Variants in VAMP8 observed in about 807,000 individuals in gnomAD.
The protein encoded by VAMP8 is vesicle-associated membrane protein 8.
A neutral mutation model predicts 11.4 loss-of-function variants in VAMP8; 9 were observed. The observed-to-expected ratio is 0.79, with a 90% CI of 0.48 to 1.38. The LOEUF (loss-of-function observed/expected upper bound fraction) is 1.38, where lower values mean the gene tolerates loss of function less well. Among genes scored for constraint, VAMP8 ranks in the 40% most tolerant of loss-of-function variants. The probability of loss-of-function intolerance (pLI) is 0.00; values close to 1 mark genes in which losing one functional copy is unlikely to be tolerated. For synonymous variants in VAMP8, 42 were observed against 44.7 expected (o/e 0.94, Z 0.24); for missense variants, 108 against 127.8 (o/e 0.85, Z 0.75).
chr2:85,578,972 C>A (rs1162673663), intron 1 of VAMP8, 37 bp from the exon 2 acceptor site: 1 of 1,581,396 alleles, frequency 6.3e-7, no homozygotes, highest in Non-Finnish European at 8.6e-7. Context: ...CCAGTTCCCC[C>A]ACCACTTGGT....
rs1672385680 is a variant in VAMP8 at position 85,581,899 on chromosome 2, G to A, written c.*183G>A. Reference sequence around the variant, plus strand: ...AAGGTACCTTGGTCCCCCGGAAGGAGAGAAAAAAGAGAGATGGACTGTGGC... The same window carrying A: ...AAGGTACCTTGGTCCCCCGGAAGGAAAGAAAAAAGAGAGATGGACTGTGGC... On this transcript the variant is annotated 3_prime_UTR_variant, in exon 3 of 3. Transcript: ENST00000263864. The A allele has an allele frequency of 4.0e-6, 3 of 756,748 alleles. No individual in the cohort carries two copies. The highest frequency in any genetic ancestry group is 5.3e-5 in the East Asian group (2 of 37,646). 46.9% of individuals were successfully genotyped at this position (756,748 alleles called of 1,614,324 possible). A position where few individuals can be genotyped will look rare whatever the true frequency, so the allele number is the denominator to read the frequency against.
intron 1 of VAMP8, among the ~76,000 whole-genome samples, chr2:85,578,615 G>C (rs561452565): frequency 1.3e-5 from 2 of 152,214 alleles, no homozygotes; most frequent in East Asian, 3.9e-4. Context: ...TCAGGAAAGG[G>C]GGGTGGCTCT....
intron 2 of VAMP8, among the ~76,000 whole-genome samples, 180 bp downstream of exon 2, chr2:85,579,347 T>C (rs1360252405): frequency 6.6e-6 from 1 of 152,234 alleles, no homozygotes; most frequent in African/African-American, 2.4e-5. Context: ...CAGATTGTTA[T>C]GGATCCCAGG....
chr2:85,577,850 C>A (rs1404102633), intron 1 of VAMP8, among the ~76,000 whole-genome samples: 1 of 152,200 alleles, frequency 6.6e-6, no homozygotes, highest in Non-Finnish European at 1.5e-5. Flanking sequence ...CTCCTTCTCC[C>A]TCCCTCCCCT....
chr2:85,581,206 G>A (rs191752675), intron 2 of VAMP8, among the ~76,000 whole-genome samples: 41 of 152,216 alleles, frequency 2.7e-4, no homozygotes, highest in African/African-American at 8.2e-4. Flanking sequence ...AAGGCCAGGC[G>A]TGGTGGCTTA....
chr2:85,579,127 T>TGG lies in VAMP8; in HGVS notation c.123_124dup (p.Glu42GlyfsTer34), dbSNP rs1425890259. ...CGGATCCTGGCCCGGGGGGAAAACTTGGAACATCTCCGCAACAAGACAGAG... is the reference window on the plus strand; with the variant it reads ...CGGATCCTGGCCCGGGGGGAAAACTTGGGGAACATCTCCGCAACAAGACAGAG... On this transcript the variant is annotated frameshift_variant, in exon 2 of 3. Coordinates refer to ENST00000263864, the MANE Select transcript of VAMP8 (RefSeq NM_003761.5). LOFTEE classifies it high-confidence loss of function. The TGG allele has an allele frequency of 6.2e-7, 1 of 1,608,568 alleles. No homozygotes were observed.
At chr2:85,580,889 G>A (rs1156634733) in intron 2 of VAMP8, among the ~76,000 whole-genome samples, 3 of 151,630 alleles carry the variant, frequency 2.0e-5, no homozygotes, top group East Asian at 2.0e-4. Context: ...GGCTGGTCGC[G>A]AACTACTGAC....
At position 85,579,173 on chromosome 2, in the gene VAMP8, A is replaced by G; in HGVS notation, c.162+6A>G. The G allele has an allele frequency of 1.3e-6, 2 of 1,583,368 alleles. No individual in the cohort carries two copies. The highest frequency in any genetic ancestry group is 1.1e-5 in the South Asian group (1 of 87,788). On this transcript the variant is annotated splice_donor_region_variant and intron_variant, in intron 2 of 2. Coordinates refer to ENST00000263864, the MANE Select transcript of VAMP8 (RefSeq NM_003761.5). Reference sequence around the variant, plus strand: ...CAGAGGATCTGGAAGCCACAGTGAGACAGGGAGCCCACTGGGGGCTGGAGG... The same window carrying G: ...CAGAGGATCTGGAAGCCACAGTGAGGCAGGGAGCCCACTGGGGGCTGGAGG...
Position 85,581,685 on chromosome 2 carries a change from T to C in VAMP8, c.272T>C (p.Ile91Thr). The change falls in exon 3 of 3, where the codon ATT becomes ACT. Residue 91 changes from isoleucine to threonine, a missense_variant. By Grantham distance (89) the Ile-to-Thr change is moderately conservative. Coordinates refer to ENST00000263864, the MANE Select transcript of VAMP8 (RefSeq NM_003761.5). Reference sequence around the variant, plus strand: ...ATTGTTTTTATCATCATCCTCTTCATTGTGCTCTTTGCCACTGGTGCCTTC... The same window carrying C: ...ATTGTTTTTATCATCATCCTCTTCACTGTGCTCTTTGCCACTGGTGCCTTC... Reference protein sequence around the residue: ...CVIVFIIILFIVLFATGAFS With the variant: ...CVIVFIIILFTVLFATGAFS The C allele has an allele frequency of 6.2e-7, 1 of 1,614,202 alleles. No individual in the cohort carries two copies. The highest frequency in any genetic ancestry group is 2.2e-5 in the East Asian group (1 of 44,886).
chr2:85,581,922 G>A lies in VAMP8; in HGVS notation c.*206G>A. 1 of 658,306 alleles carries A rather than the reference G, an allele frequency of 1.5e-6. No homozygotes were observed. The highest frequency in any genetic ancestry group is 2.5e-6 in the Non-Finnish European group (1 of 396,840). The allele number at this position is 658,306 out of a possible 1,614,324, so 40.8% of individuals were successfully genotyped here. On this transcript the variant is annotated 3_prime_UTR_variant, in exon 3 of 3. Coordinates refer to ENST00000263864, the MANE Select transcript of VAMP8 (RefSeq NM_003761.5). ...GAGAGAAAAAAGAGAGATGGACTGT[G>A]GCTGCATTTCTTGGGTCCTTAGAGT... is the stretch of plus-strand genomic sequence containing the variant.
intron 1 of VAMP8, 73 bp from the exon 2 acceptor site, chr2:85,578,936 C>G: frequency 6.6e-7 from 1 of 1,523,978 alleles, no homozygotes; most frequent in Non-Finnish European, 8.9e-7. Context: ...AGGCCTTACC[C>G]TCCCCAGATC....
chr2:85,579,478 T>C (rs1213675255), intron 2 of VAMP8, among the ~76,000 whole-genome samples: 1 of 152,206 alleles, frequency 6.6e-6, no homozygotes, highest in East Asian at 1.9e-4. Flanking sequence ...TGTTTTCCCT[T>C]TGAAGCCTGC....
chr2:85,581,824 G>A lies in VAMP8; in HGVS notation c.*108G>A. On this transcript the variant is annotated 3_prime_UTR_variant, in exon 3 of 3. Transcript: ENST00000263864. Reference sequence around the variant, plus strand: ...CTTCCTCTACAGAGAATGCTGCTCGGTCCTCCTACCCCTCTTCCCGAGGCC... The same window carrying A: ...CTTCCTCTACAGAGAATGCTGCTCGATCCTCCTACCCCTCTTCCCGAGGCC... 6.8e-7 allele frequency: 1 copy of A among 1,472,014 alleles called. No individual in the cohort carries two copies. The highest frequency in any genetic ancestry group is 9.3e-7 in the Non-Finnish European group (1 of 1,078,074). 91.2% of individuals were successfully genotyped at this position (1,472,014 alleles called of 1,614,324 possible). A position where few individuals can be genotyped will look rare whatever the true frequency, so the allele number is the denominator to read the frequency against.
intron 1 of VAMP8, among the ~76,000 whole-genome samples, chr2:85,578,251 T>C (rs1672314373): frequency 6.6e-6 from 1 of 152,146 alleles, no homozygotes; most frequent in Admixed American, 6.5e-5. Flanking sequence ...ATACTATTTT[T>C]CTCTCCTTGT....
chr2:85,579,704 C>A, intron 2 of VAMP8: 1 of 1,547,382 alleles, frequency 6.5e-7, no homozygotes, highest in Non-Finnish European at 8.7e-7. Flanking sequence ...TAATATCTCC[C>A]ACACATCTTG....
chr2:85,577,687 G>T, intron 1 of VAMP8, 38 bp downstream of exon 1: 2 of 1,551,496 alleles, frequency 1.3e-6, no homozygotes, highest in Non-Finnish European at 1.7e-6. Flanking sequence ...CTGGTTTAAA[G>T]AGGAGCCAGA....
rs371878365 is a variant in VAMP8 at position 85,581,592 on chromosome 2, C to T, written c.179C>T (p.Thr60Met). Residue 60 changes from threonine to methionine, a missense_variant, in exon 3 of 3, where the codon ACG (threonine) becomes ATG (methionine). By Grantham distance (81) the Thr-to-Met change is moderately conservative (BLOSUM62 -1). Coordinates refer to ENST00000263864, the MANE Select transcript of VAMP8 (RefSeq NM_003761.5). ...CCCCAACAGTCTGAGCACTTCAAGA[C>T]GACATCGCAGAAGGTGGCTCGAAAA... ...DLEATSEHFKTTSQKVARKFW... is the reference protein window; with the variant it reads ...DLEATSEHFKMTSQKVARKFW... 9.6e-5 allele frequency: 155 copies of T among 1,613,958 alleles called. No individual in the cohort carries two copies. Among genetic ancestry groups the T allele is most frequent in the Non-Finnish European group, 1.2e-4 (143 of 1,180,028 alleles).
chr2:85,577,622 T>A lies in VAMP8; in HGVS notation c.-25T>A, dbSNP rs1487017645. 6.4e-7 allele frequency: 1 copy of A among 1,551,930 alleles called. No individual in the cohort carries two copies. Among genetic ancestry groups the A allele is most frequent in the East Asian group, 2.4e-5 (1 of 40,904 alleles). ...AAGCCGACTAGGCGAATTCACTTAC[T>A]GACCGGCCTGGGCTGCTCTGAGACA... On this transcript the variant is annotated 5_prime_UTR_variant, in exon 1 of 3. Transcript: ENST00000263864.
intron 1 of VAMP8, 44 bp from the exon 2 acceptor site, chr2:85,578,965 G>A (rs1248990348): frequency 1.3e-6 from 2 of 1,575,600 alleles, no homozygotes; most frequent in East Asian, 4.7e-5. Context: ...CAAGTCTCCA[G>A]TTCCCCCACC....
Sources: gnomAD v4.1 joint callset for allele counts (sites outside exome capture counted in the v4.1 genomes callset) on GRCh38, gnomAD v4.1.1 for gene constraint, MANE v1.5 for transcripts, NCBI Gene and HGNC (gene_info 2026-07-23, HGNC 2026-07-21) for gene names.